The following SLC15A3 variants were observed in gnomAD, a reference collection of about 807,000 sequenced individuals.
The protein encoded by SLC15A3 is osteoclast transporter.
A neutral mutation model predicts 49.2 loss-of-function variants in SLC15A3; 39 were observed. That is an observed-to-expected ratio of 0.79 (90% CI 0.61 to 1.04). SLC15A3 has a LOEUF of 1.04. Among genes scored for constraint, SLC15A3 ranks in the 50% least tolerant of loss-of-function variants. The pLI, the probability that SLC15A3 is intolerant of heterozygous loss-of-function variation, is 0.00. For synonymous variants in SLC15A3, 339 were observed against 367.0 expected (o/e 0.92, Z 0.87); for missense variants, 758 against 794.8 (o/e 0.95, Z 0.56).
At position 60,946,718 on chromosome 11, in the gene SLC15A3, T is replaced by A. The variant is rs375591770; in HGVS notation, c.662A>T (p.Gln221Leu). ...GCCCAGCAGGAAGCTGATGTTCTGC[T>A]GAATAAACGCCACCACCAGCAGCGA... ...VLSLLVVAFIQQNISFLLGYS... is the reference protein window; with the variant it reads ...VLSLLVVAFILQNISFLLGYS... Residue 221 changes from glutamine (Q) to leucine (L), a missense_variant, in exon 2 of 8, where the codon CAG becomes CTG. Physicochemically the swap from Gln to Leu is moderately radical, Grantham distance 113. Coordinates refer to ENST00000227880, the MANE Select transcript of SLC15A3 (RefSeq NM_016582.3). 9.9e-6 allele frequency: 16 copies of A among 1,614,088 alleles called. No individual in the cohort carries two copies. In the African/African-American group the frequency reaches 2.0e-4, roughly 20 times the overall value.
At chr11:60,944,750 TCC>T in intron 2 of SLC15A3, among the ~76,000 whole-genome samples, 1 of 152,020 alleles carries the variant, frequency 6.6e-6, no homozygotes, top group Middle Eastern at 3.4e-3. Context: ...GGCAACCCTC[TCC>T]CTCCATGACA....
Position 60,937,213 on chromosome 11 carries a change from G to C in SLC15A3, c.*6C>G. The C allele has an allele frequency of 1.2e-6, 2 of 1,612,906 alleles. No homozygotes were observed. Among genetic ancestry groups the C allele is most frequent in the Non-Finnish European group, 8.5e-7 (1 of 1,179,200 alleles). On this transcript the variant is annotated 3_prime_UTR_variant, in exon 8 of 8. Transcript: ENST00000227880. ...AGTGAAGCAAGGGGGCTGGAATAGG[G>C]CCTGTTCAGCCCCTGTCCCTGCTGA... is the stretch of plus-strand genomic sequence containing the variant.
intron 4 of SLC15A3, chr11:60,941,628 A>C: frequency 3.0e-6 from 1 of 338,206 alleles, no homozygotes; most frequent in Non-Finnish European, 5.4e-6. Flanking sequence ...CCAGCTCTGC[A>C]GATCATTCAT....
At chr11:60,945,951 C>T (rs1337991111) in intron 2 of SLC15A3, among the ~76,000 whole-genome samples, 1 of 152,142 alleles carries the variant, frequency 6.6e-6, no homozygotes, top group Admixed American at 6.5e-5. Context: ...TCCTTACTAC[C>T]ATCTTCACTG....
Position 60,951,380 on chromosome 11 carries a change from G to T in SLC15A3, c.172C>A (p.Leu58Met). The T allele has an allele frequency of 6.5e-7, 1 of 1,549,542 alleles. No homozygotes were observed. The highest frequency in any genetic ancestry group is 8.7e-7 in the Non-Finnish European group (1 of 1,153,458). The change falls in exon 1 of 8, where the codon CTG (leucine) becomes ATG (methionine). Residue 58 changes from leucine to methionine, a missense_variant. By Grantham distance (15) the Leu-to-Met change is conservative. Around this residue, in one of 3 missense-constraint regions of SLC15A3, gnomAD observed 699 missense variants for 706.7 expected, o/e 0.99. Transcript: ENST00000227880. Reference sequence around the variant, plus strand: ...TTGAAGTTGGTGCTGTTGAGGTACAGCACGAGGTTGGCGGTGACGCCGAAG... The same window carrying T: ...TTGAAGTTGGTGCTGTTGAGGTACATCACGAGGTTGGCGGTGACGCCGAAG... ...AFFGVTANLV[L>M]YLNSTNFNWT...
chr11:60,938,179 T>C, intron 6 of SLC15A3, 154 bp from the exon 7 acceptor site: 1 of 885,444 alleles, frequency 1.1e-6, no homozygotes, highest in Admixed American at 3.0e-5. Context: ...ACAGCACCCA[T>C]GCATCAATGC....
At chr11:60,944,745 C>T (rs1208559672) in intron 2 of SLC15A3, among the ~76,000 whole-genome samples, 2 of 152,146 alleles carry the variant, frequency 1.3e-5, no homozygotes, top group Non-Finnish European at 2.9e-5. Context: ...AACATGGCAA[C>T]CCTCTCCCTC....
At chr11:60,938,296 G>A in intron 6 of SLC15A3, among the ~76,000 whole-genome samples, 1 of 152,056 alleles carries the variant, frequency 6.6e-6, no homozygotes, top group Non-Finnish European at 1.5e-5. Context: ...CTTCCTGCCA[G>A]GTCTATCATT....
Position 60,939,547 on chromosome 11 carries a change from C to T in SLC15A3, c.1368G>A (p.Leu456=). 2 of 1,614,188 alleles carry T rather than the reference C, an allele frequency of 1.2e-6. No individual in the cohort carries two copies. The highest frequency in any genetic ancestry group is 1.7e-6 in the Non-Finnish European group (2 of 1,180,016). The part of the protein sequence containing the change: ...IGEVLYNAAP[L]SIWWQIPQYL... ...ACTGAGGGATCTGCCACCAGATGGACAGTGGTGCCGCGTTGTACAGGACCT... is the reference window on the plus strand; with the variant it reads ...ACTGAGGGATCTGCCACCAGATGGATAGTGGTGCCGCGTTGTACAGGACCT... Residue 456 remains leucine (L), a synonymous_variant, in exon 6 of 8, where the codon CTG becomes CTA. Transcript: ENST00000227880.
rs564486239 is a variant in SLC15A3 at position 60,941,167 on chromosome 11, T to C, written c.1231A>G (p.Met411Val). 7 of 1,613,888 alleles carry C rather than the reference T, an allele frequency of 4.3e-6. No individual in the cohort carries two copies. In the South Asian group the frequency reaches 6.6e-5, roughly 15 times the overall value. The change falls in exon 5 of 8, where the codon ATG (methionine) becomes GTG (valine). Residue 411 changes from methionine (M) to valine (V), a missense_variant. By Grantham distance (21) the Met-to-Val change is conservative. Coordinates refer to ENST00000227880, the MANE Select transcript of SLC15A3 (RefSeq NM_016582.3). ...AAACCAAAGAACATCCCCAGCGCCA[T>C]CTTCTGCAGAGCAGAGGGAAGCAGC... ...CKLLPSALQK[M>V]ALGMFFGFTS...
intron 4 of SLC15A3, 197 bp downstream of exon 4, chr11:60,941,838 C>T: frequency 1.7e-6 from 1 of 583,400 alleles, no homozygotes; most frequent in Non-Finnish European, 3.1e-6. Flanking sequence ...GCCTGAATTC[C>T]TTCAAGCAGT....
At position 60,942,123 on chromosome 11, in the gene SLC15A3, T is replaced by C; in HGVS notation, c.1019A>G (p.Gln340Arg). Residue 340 changes from glutamine (Q) to arginine (R), a missense_variant, in exon 4 of 8, where the codon CAG becomes CGG. Coordinates refer to ENST00000227880, the MANE Select transcript of SLC15A3 (RefSeq NM_016582.3). ...GTTTGGGATGTGGAGGTGAAGACCCTGCAGGACATAGGTGGACTGCATCTG... is the reference window on the plus strand; with the variant it reads ...GTTTGGGATGTGGAGGTGAAGACCCCGCAGGACATAGGTGGACTGCATCTG... Reference protein sequence around the residue: ...YFQMQSTYVLQGLHLHIPNIF... With the variant: ...YFQMQSTYVLRGLHLHIPNIF... The C allele has an allele frequency of 6.2e-7, 1 of 1,614,016 alleles. No homozygotes were observed. Among genetic ancestry groups the C allele is most frequent in the Non-Finnish European group, 8.5e-7 (1 of 1,179,910 alleles).
Position 60,937,957 on chromosome 11 carries a change from G to A in SLC15A3, c.1504C>T (p.Leu502=). ...CCCAACAGTGAGCCCACCCCCGACAGGCAGAAGAAGATGCCCATGATGGCG... is the reference window on the plus strand; with the variant it reads ...CCCAACAGTGAGCCCACCCCCGACAAGCAGAAGAAGATGCCCATGATGGCG... ...QGAIMGIFFC[L]SGVGSLLGSS... Residue 502 remains leucine, a synonymous_variant, in exon 7 of 8, where the codon CTG becomes TTG. Coordinates refer to ENST00000227880, the MANE Select transcript of SLC15A3 (RefSeq NM_016582.3). The A allele has an allele frequency of 1.2e-6, 2 of 1,614,204 alleles. No homozygotes were observed. The highest frequency in any genetic ancestry group is 8.5e-7 in the Non-Finnish European group (1 of 1,180,012).
chr11:60,951,694 C>G lies in SLC15A3; in HGVS notation c.-143G>C, dbSNP rs1431936442. 2.0e-4 allele frequency: 100 copies of G among 488,144 alleles called. No homozygotes were observed. The highest frequency in any genetic ancestry group is 2.0e-3 in the African/African-American group (96 of 47,496). The allele number at this position is 488,144 out of a possible 1,614,324, so 30.2% of individuals were successfully genotyped here. ...TTTCTCACCGCTTTGGCCCACCCTTCCCTCCTGTCCCCTCTCCCTTTCTTG... is the reference window on the plus strand; with the variant it reads ...TTTCTCACCGCTTTGGCCCACCCTTGCCTCCTGTCCCCTCTCCCTTTCTTG... On this transcript the variant is annotated 5_prime_UTR_variant, in exon 1 of 8. Transcript: ENST00000227880.
intron 3 of SLC15A3, chr11:60,943,345 G>A (rs73493091): frequency 0.034 from 5,680 of 166,314 alleles, 330 homozygotes; most frequent in African/African-American, 0.13. Context: ...AAAGCCTCTC[G>A]TTTAAGCCAC....
At chr11:60,945,637 G>C (rs1458865531) in intron 2 of SLC15A3, among the ~76,000 whole-genome samples, 1 of 152,222 alleles carries the variant, frequency 6.6e-6, no homozygotes, top group Non-Finnish European at 1.5e-5. Context: ...TCTGGAGACA[G>C]ATTTGCTTGG....
At position 60,940,101 on chromosome 11, in the gene SLC15A3, G is replaced by A. The variant is rs186309435; in HGVS notation, c.1277-463C>T. 8.3e-5 allele frequency: 14 copies of A among 168,578 alleles called. No homozygotes were observed. The East Asian group carries it at 1.2e-3, about 14-fold the overall frequency. 10.4% of individuals were successfully genotyped at this position (168,578 alleles called of 1,614,324 possible). A position where few individuals can be genotyped will look rare whatever the true frequency, so the allele number is the denominator to read the frequency against. On this transcript the variant is annotated intron_variant, in intron 5 of 7. Coordinates refer to ENST00000227880, the MANE Select transcript of SLC15A3 (RefSeq NM_016582.3). ...TATCACATGACTTCTCTACTGCAAC[G>A]TCAAGTATTGCTGTAGTGTTTCTAA... is the stretch of plus-strand genomic sequence containing the variant.
intron 4 of SLC15A3, 166 bp from the exon 5 acceptor site, chr11:60,941,456 T>C (rs1325774977): frequency 1.6e-5 from 10 of 620,568 alleles, no homozygotes; most frequent in Non-Finnish European, 2.1e-5. Context: ...TGGGATTATG[T>C]AGAGATGGCA....
At chr11:60,940,823 T>C (rs746231614) in intron 5 of SLC15A3, 4 of 228,022 alleles carry the variant, frequency 1.8e-5, no homozygotes, top group African/African-American at 4.5e-5. Flanking sequence ...AGGGCCCACG[T>C]GCATGTTCAT....
Sources: allele counts gnomAD v4.1 joint callset (sites outside exome capture counted in the v4.1 genomes callset), GRCh38; gene constraint gnomAD v4.1.1; regional missense constraint gnomAD v4.1.1; transcripts MANE v1.5; gene names NCBI Gene and HGNC (gene_info 2026-07-23, HGNC 2026-07-21).